The following MFSD6 variants were observed in gnomAD, a reference collection of about 807,000 sequenced individuals.
MFSD6 encodes major facilitator superfamily domain containing 6, also known as major facilitator superfamily domain-containing protein 6.
A neutral mutation model predicts 56.3 loss-of-function variants in MFSD6; 26 were observed. That is an observed-to-expected ratio of 0.46 (90% CI 0.34 to 0.64). The LOEUF is 0.64. Among genes scored for constraint, MFSD6 ranks in the 30% least tolerant of loss-of-function variants. The probability of loss-of-function intolerance (pLI) is 0.01; values close to 1 mark genes in which losing one functional copy is unlikely to be tolerated. For missense variants in MFSD6, 750 were observed against 986.2 expected (o/e 0.76, Z 3.21); for synonymous variants, 331 against 366.9 (o/e 0.90, Z 1.12).
At chr2:190,430,839 G>A (rs1325256544) in intron 2 of MFSD6, among the ~76,000 whole-genome samples, 1 of 144,874 alleles carries the variant, frequency 6.9e-6, no homozygotes, top group African/African-American at 2.6e-5. Flanking sequence ...CCGGCCGGGC[G>A]GGGGCTGACC....
chr2:190,465,356 G>C lies in MFSD6; in HGVS notation c.1533-4402G>C, dbSNP rs544921206. Reference sequence around the variant, plus strand: ...ACTACTGACTTCCTGTTCTGAAATAGGACAGTCATGCTGTTTTTGAGTTTT... The same window carrying C: ...ACTACTGACTTCCTGTTCTGAAATACGACAGTCATGCTGTTTTTGAGTTTT... On this transcript the variant is annotated intron_variant, in intron 3 of 7. Transcript: ENST00000392328. The surrounding 1 kb of genome is among the most constrained non-coding windows in gnomAD (Gnocchi z 4.6). 6.6e-6 allele frequency among the ~76,000 whole-genome samples: 1 copy of C among 152,194 alleles called. No individual in the cohort carries two copies. The highest frequency in any genetic ancestry group is 2.4e-5 in the African/African-American group (1 of 41,526).
chr2:190,428,943 G>C (rs1685871375), intron 2 of MFSD6, among the ~76,000 whole-genome samples: 1 of 152,102 alleles, frequency 6.6e-6, no homozygotes, highest in Admixed American at 6.6e-5. Flanking sequence ...AAAGTGCTGG[G>C]ATTACAGGTG....
rs573108431 is a variant in MFSD6, at chr2:190,416,779, A to T, written c.-54+1366A>T. 1.7e-4 allele frequency among the ~76,000 whole-genome samples: 26 copies of T among 152,344 alleles called. No homozygotes were observed. The highest frequency in any genetic ancestry group is 6.3e-4 in the African/African-American group (26 of 41,582). ...TACTTTATTTCATTTAAGCTCTAGA[A>T]TCCTTCTGGGAGTTAATTGACTTAA... On this transcript the variant is annotated intron_variant, in intron 2 of 7. Coordinates refer to ENST00000392328, the MANE Select transcript of MFSD6 (RefSeq NM_017694.4). This position sits in a 1 kb window ranked among gnomAD's most constrained non-coding sequence, Gnocchi z 4.1.
intron 4 of MFSD6, among the ~76,000 whole-genome samples, chr2:190,475,312 A>T (rs973296556): frequency 2.0e-5 from 3 of 152,332 alleles, no homozygotes; most frequent in Admixed American, 2.0e-4. Flanking sequence ...ATATCTAGAA[A>T]ACCCCATCGT....
chr2:190,499,867 C>T lies in MFSD6; in HGVS notation c.2173-148C>T, dbSNP rs1239048166. The T allele has an allele frequency of 3.9e-6, 6 of 1,551,154 alleles. No homozygotes were observed. Among genetic ancestry groups the T allele is most frequent in the Non-Finnish European group, 5.2e-6 (6 of 1,147,080 alleles). On this transcript the variant is annotated intron_variant, in intron 7 of 7. Coordinates refer to ENST00000392328, the MANE Select transcript of MFSD6 (RefSeq NM_017694.4). This position sits in a 1 kb window ranked among gnomAD's most constrained non-coding sequence, Gnocchi z 6.0. ...GAAAGGAGATGAAAGGTAAGACATT[C>T]TATCCTTATTCCTCTATTACTTGGT...
chr2:190,457,464 G>A lies in MFSD6; in HGVS notation c.1533-12294G>A, dbSNP rs1220761996. Among the ~76,000 whole-genome samples the A allele has an allele frequency of 6.6e-6, 1 of 152,186 alleles. No homozygotes were observed. Among genetic ancestry groups the A allele is most frequent in the African/African-American group, 2.4e-5 (1 of 41,448 alleles). On this transcript the variant is annotated intron_variant, in intron 3 of 7. Transcript: ENST00000392328. The surrounding 1 kb of genome is among the most constrained non-coding windows in gnomAD (Gnocchi z 5.1). ...TGTTTTTTGCTGACAAGTCAAAAAT[G>A]TGCACAAAGCCATTCAAACAGACCA...
At chr2:190,444,196 A>G (rs1686489567) in intron 3 of MFSD6, among the ~76,000 whole-genome samples, 1 of 152,256 alleles carries the variant, frequency 6.6e-6, no homozygotes, top group Non-Finnish European at 1.5e-5. Flanking sequence ...ATGAAATAAA[A>G]GGTAATAACT....
rs1288037336 is a variant in MFSD6, at chr2:190,439,389, T to C, written c.1532+1828T>C. Among the ~76,000 whole-genome samples, 2 of 152,164 alleles carry C rather than the reference T, an allele frequency of 1.3e-5. No individual in the cohort carries two copies. The highest frequency in any genetic ancestry group is 6.5e-5 in the Admixed American group (1 of 15,276). On this transcript the variant is annotated intron_variant, in intron 3 of 7. Coordinates refer to ENST00000392328, the MANE Select transcript of MFSD6 (RefSeq NM_017694.4). This position sits in a 1 kb window ranked among gnomAD's most constrained non-coding sequence, Gnocchi z 5.8. The stretch of plus-strand genomic sequence containing the variant: ...TTATTTGTTTATTTTTTTATTATAC[T>C]TTAAGTTTTAGGGTACACGTGCACA...
rs1298659180 is a variant in MFSD6, at chr2:190,500,124, C to G, written c.2282C>G (p.Ser761Cys). The change falls in exon 8 of 8, where the codon TCT becomes TGT. Residue 761 changes from serine (S) to cysteine (C), a missense_variant. This residue lies in a region of MFSD6 where 172 missense variants were observed against 203.9 expected (regional missense o/e 0.84). Coordinates refer to ENST00000392328, the MANE Select transcript of MFSD6 (RefSeq NM_017694.4). The surrounding 1 kb of genome is among the most constrained non-coding windows in gnomAD (Gnocchi z 5.3). ...CAGCCATCCCCTGACGCAGCAGCATCTCAGACGCAGACCAGCCCCGCTCAC... is the reference window on the plus strand; with the variant it reads ...CAGCCATCCCCTGACGCAGCAGCATGTCAGACGCAGACCAGCCCCGCTCAC... ...RNQPSPDAAA[S>C]QTQTSPAHPS... is the part of the protein sequence containing the mutation. 1 of 1,614,178 alleles carries G rather than the reference C, an allele frequency of 6.2e-7. No homozygotes were observed. Among genetic ancestry groups the G allele is most frequent in the South Asian group, 1.1e-5 (1 of 91,082 alleles).
Position 190,425,554 on chromosome 2 carries a change from A to T in MFSD6, c.-54+10141A>T, listed in dbSNP as rs1429737561. On this transcript the variant is annotated intron_variant, in intron 2 of 7. Transcript: ENST00000392328. This position sits in a 1 kb window ranked among gnomAD's most constrained non-coding sequence, Gnocchi z 4.3. ...TTTACCTCAGAACCTATTTTCTGAG[A>T]CTTTTTCAAATGTTTATTTTATCAA... 6.6e-6 allele frequency among the ~76,000 whole-genome samples: 1 copy of T among 152,142 alleles called. No homozygotes were observed. Among genetic ancestry groups the T allele is most frequent in the Non-Finnish European group, 1.5e-5 (1 of 68,026 alleles).
At position 190,463,758 on chromosome 2, in the gene MFSD6, T is replaced by C; in HGVS notation, c.1533-6000T>C. On this transcript the variant is annotated intron_variant, in intron 3 of 7. Transcript: ENST00000392328. The surrounding 1 kb of genome is among the most constrained non-coding windows in gnomAD (Gnocchi z 4.4). ...TCACCTGGGCTCTGGTGGTCAAGGC[T>C]GCATTGAGCTGTGATGACGCTACTG... is the stretch of plus-strand genomic sequence containing the variant. 8.7e-6 allele frequency: 4 copies of C among 462,366 alleles called. No homozygotes were observed. The highest frequency in any genetic ancestry group is 1.1e-5 in the Non-Finnish European group (4 of 351,832). 28.6% of individuals were successfully genotyped at this position (462,366 alleles called of 1,614,324 possible).
chr2:190,482,577 T>C (rs1425955196), intron 4 of MFSD6, among the ~76,000 whole-genome samples: 2 of 152,156 alleles, frequency 1.3e-5, no homozygotes, highest in Non-Finnish European at 2.9e-5. Flanking sequence ...TCCCTAGTAC[T>C]GTGTCAGTTC....
In MFSD6 at chr2:190,467,953, G is replaced by A. The variant is rs1276716110; in HGVS notation, c.1533-1805G>A. Among the ~76,000 whole-genome samples, 2 of 152,242 alleles carry A rather than the reference G, an allele frequency of 1.3e-5. No homozygotes were observed. Among genetic ancestry groups the A allele is most frequent in the East Asian group, 3.8e-4 (2 of 5,202 alleles). On this transcript the variant is annotated intron_variant, in intron 3 of 7. Coordinates refer to ENST00000392328, the MANE Select transcript of MFSD6 (RefSeq NM_017694.4). This position sits in a 1 kb window ranked among gnomAD's most constrained non-coding sequence, Gnocchi z 5.5. ...GCTCGTGAAGCCTAAACTGTTTAAT[G>A]TGTGGTCCTTTATAGAAAAGTGTTT...
chr2:190,442,418 G>T (rs1574116373), intron 3 of MFSD6, among the ~76,000 whole-genome samples: 1 of 152,056 alleles, frequency 6.6e-6, no homozygotes, highest in Non-Finnish European at 1.5e-5. Context: ...GAGGCAGTAG[G>T]TAGCCATAGC....
chr2:190,474,313 C>A (rs572711293), intron 4 of MFSD6, among the ~76,000 whole-genome samples: 346 of 151,678 alleles, frequency 2.3e-3, no homozygotes, highest in Non-Finnish European at 3.5e-3. Context: ...ATTGATAGAC[C>A]GCTAGCAAGA....
chr2:190,436,899 G>A lies in MFSD6; in HGVS notation c.870G>A (p.Val290=), dbSNP rs1270736478. The A allele has an allele frequency of 3.1e-6, 5 of 1,614,124 alleles. No individual in the cohort carries two copies. The highest frequency in any genetic ancestry group is 1.1e-5 in the South Asian group (1 of 91,088). ...DQQEVEAIFL[V]ILVVVIIGEF... is the part of the protein sequence containing the mutation. The stretch of plus-strand genomic sequence containing the variant: ...AAGAAGTTGAAGCTATATTCTTGGT[G>A]ATCTTGGTAGTTGTCATAATAGGAG... The change falls in exon 3 of 8, where the codon GTG becomes GTA. Residue 290 remains valine (V), a synonymous_variant. Coordinates refer to ENST00000392328, the MANE Select transcript of MFSD6 (RefSeq NM_017694.4). The surrounding 1 kb of genome is among the most constrained non-coding windows in gnomAD (Gnocchi z 5.3).
rs988733002 is a variant in MFSD6, at chr2:190,434,790, G to C, written c.-53-1187G>C. Among the ~76,000 whole-genome samples the C allele has an allele frequency of 6.6e-6, 1 of 152,108 alleles. No individual in the cohort carries two copies. Among genetic ancestry groups the C allele is most frequent in the Non-Finnish European group, 1.5e-5 (1 of 68,004 alleles). ...CTTATCTAAAATGTGTTATTTTTCA[G>C]TTTAGTGTGTCTTAGAGCAGGGTTC... On this transcript the variant is annotated intron_variant, in intron 2 of 7. Transcript: ENST00000392328. The surrounding 1 kb of genome is among the most constrained non-coding windows in gnomAD (Gnocchi z 4.3).
Position 190,424,111 on chromosome 2 carries a change from T to C in MFSD6, c.-54+8698T>C, listed in dbSNP as rs908780494. On this transcript the variant is annotated intron_variant, in intron 2 of 7. Transcript: ENST00000392328. The surrounding 1 kb of genome is among the most constrained non-coding windows in gnomAD (Gnocchi z 5.9). ...GTGTTTTCATCCTCTTTGCAGAGTC[T>C]TTTAAAGAGCAAAAGTTTTAAATTT... Among the ~76,000 whole-genome samples, 1 of 152,192 alleles carries C rather than the reference T, an allele frequency of 6.6e-6. No homozygotes were observed. Among genetic ancestry groups the C allele is most frequent in the African/African-American group, 2.4e-5 (1 of 41,458 alleles).
rs1227537690 is a variant in MFSD6, at chr2:190,437,442, T to C, written c.1413T>C (p.His471=). 2 of 1,614,226 alleles carry C rather than the reference T, an allele frequency of 1.2e-6. No individual in the cohort carries two copies. The highest frequency in any genetic ancestry group is 1.7e-6 in the Non-Finnish European group (2 of 1,180,034). Residue 471 remains histidine, a synonymous_variant, in exon 3 of 8, where the codon CAT becomes CAC. Coordinates refer to ENST00000392328, the MANE Select transcript of MFSD6 (RefSeq NM_017694.4). This position sits in a 1 kb window ranked among gnomAD's most constrained non-coding sequence, Gnocchi z 5.9. Reference sequence around the variant, plus strand: ...TCGTGTTCACCTTTCTCTACTGGCATTTGGAAGACCTCAATGGAACTACAA... The same window carrying C: ...TCGTGTTCACCTTTCTCTACTGGCACTTGGAAGACCTCAATGGAACTACAA... ...YGFVFTFLYW[H]LEDLNGTTTL... is the part of the protein sequence containing the mutation.
Sources: gnomAD v4.1 joint callset for allele counts (sites outside exome capture counted in the v4.1 genomes callset) on GRCh38, gnomAD v4.1.1 for gene constraint, gnomAD v4.1.1 regional missense constraint, Gnocchi (gnomAD v3.1) non-coding constraint, MANE v1.5 for transcripts, NCBI Gene and HGNC (gene_info 2026-07-23, HGNC 2026-07-21) for gene names.